Variants in MYBPC1 observed in about 807,000 individuals in gnomAD.
The protein encoded by MYBPC1 is myosin-binding protein C, slow-type.
Under a neutral mutation model 147.1 loss-of-function variants are expected in MYBPC1, and 52 were observed. That is an observed-to-expected ratio of 0.35 (90% CI 0.28 to 0.45). The LOEUF is 0.45. Among genes scored for constraint, MYBPC1 ranks in the 20% least tolerant of loss-of-function variants. The pLI is 1.00. For synonymous variants in MYBPC1, 477 were observed against 475.9 expected (o/e 1.00, Z -0.03); for missense variants, 1,228 against 1,440.3 (o/e 0.85, Z 2.39).
Position 101,644,706 on chromosome 12 carries a change from G to A in MYBPC1, c.875G>A (p.Gly292Glu). Residue 292 changes from glycine to glutamate, a missense_variant, in exon 12 of 32, where the codon GGA (glycine) becomes GAA (glutamate). Gly to Glu is a moderately conservative substitution (Grantham distance 98). This residue lies in a region of MYBPC1 where 1,077 missense variants were observed against 1,314.2 expected (regional missense o/e 0.82). Transcript: ENST00000361466. Reference sequence around the variant, plus strand: ...GATCCTGCATATCAGGTTGACAAAGGAGGCAGAGTGAGGTTTGTTGTGGAG... The same window carrying A: ...GATCCTGCATATCAGGTTGACAAAGAAGGCAGAGTGAGGTTTGTTGTGGAG... Reference protein sequence around the residue: ...ILDPAYQVDKGGRVRFVVELA... With the variant: ...ILDPAYQVDKEGRVRFVVELA... 1 of 1,613,986 alleles carries A rather than the reference G, an allele frequency of 6.2e-7. No homozygotes were observed. Among genetic ancestry groups the A allele is most frequent in the Non-Finnish European group, 8.5e-7 (1 of 1,179,894 alleles).
Position 101,644,834 on chromosome 12 carries a change from G to A in MYBPC1, c.965+38G>A, listed in dbSNP as rs376853572. The A allele has an allele frequency of 6.9e-6, 11 of 1,595,176 alleles. No individual in the cohort carries two copies. In the East Asian group the frequency reaches 2.2e-4, roughly 32 times the overall value. Reference sequence around the variant, plus strand: ...TGCAAAAATCAGTGATAGCTCTACAGTAAATTAATCAAATAGTAGTTCGAC... The same window carrying A: ...TGCAAAAATCAGTGATAGCTCTACAATAAATTAATCAAATAGTAGTTCGAC... On this transcript the variant is annotated intron_variant, in intron 12 of 31. Coordinates refer to ENST00000361466, the MANE Select transcript of MYBPC1 (RefSeq NM_002465.4).
At position 101,627,751 on chromosome 12, in the gene MYBPC1, A is replaced by G. The variant is rs1457817461; in HGVS notation, c.143-18A>G. Reference sequence around the variant, plus strand: ...CTTTCCACCCCTCTGCATCACCCAAATCACACTTTCCTTTCAGGTTTGGGT... The same window carrying G: ...CTTTCCACCCCTCTGCATCACCCAAGTCACACTTTCCTTTCAGGTTTGGGT... On this transcript the variant is annotated intron_variant, in intron 4 of 31. Coordinates refer to ENST00000361466, the MANE Select transcript of MYBPC1 (RefSeq NM_002465.4). The G allele has an allele frequency of 6.2e-7, 1 of 1,613,250 alleles. No individual in the cohort carries two copies. Among genetic ancestry groups the G allele is most frequent in the African/African-American group, 1.3e-5 (1 of 74,864 alleles).
intron 2 of MYBPC1, chr12:101,614,899 A>T (rs755026368): frequency 3.8e-4 from 125 of 329,478 alleles, no homozygotes; most frequent in Non-Finnish European, 6.3e-4. Context: ...ACAAACCCAC[A>T]TCTTCTTTAT....
At chr12:101,684,529 G>A in intron 31 of MYBPC1, 105 bp downstream of exon 31, 1 of 875,624 alleles carries the variant, frequency 1.1e-6, no homozygotes, top group Non-Finnish European at 1.8e-6. Flanking sequence ...AATGAAAATA[G>A]ACTTATTTTA....
intron 3 of MYBPC1, among the ~76,000 whole-genome samples, chr12:101,626,182 C>T (rs778500242): frequency 6.7e-6 from 1 of 150,272 alleles, no homozygotes; most frequent in Non-Finnish European, 1.5e-5. Flanking sequence ...ACTTGTTTAT[C>T]CAAAACAAAT....
chr12:101,620,836 T>C (rs985869815), intron 3 of MYBPC1, among the ~76,000 whole-genome samples: 1 of 152,228 alleles, frequency 6.6e-6, no homozygotes, highest in African/African-American at 2.4e-5. Flanking sequence ...ATTGGTAAAG[T>C]TACTTCCTTT....
chr12:101,621,892 G>A (rs886071265), intron 3 of MYBPC1, among the ~76,000 whole-genome samples: 1 of 152,096 alleles, frequency 6.6e-6, no homozygotes. Context: ...ATAAGACTGG[G>A]TTCTTTCCCT....
chr12:101,673,582 C>G lies in MYBPC1; in HGVS notation c.2769C>G (p.Asp923Glu). The G allele has an allele frequency of 6.2e-7, 1 of 1,614,112 alleles. No homozygotes were observed. Among genetic ancestry groups the G allele is most frequent in the East Asian group, 2.2e-5 (1 of 44,884 alleles). ...SGKYDLQVKV[D>E]KFVETASIDI... ...AATATGATCTGCAAGTCAAAGTGGA[C>G]AAATTCGTGGAGACCGCATCAATTG... is the stretch of plus-strand genomic sequence containing the variant. Residue 923 changes from aspartate to glutamate, a missense_variant, in exon 25 of 32, where the codon GAC becomes GAG. Coordinates refer to ENST00000361466, the MANE Select transcript of MYBPC1 (RefSeq NM_002465.4).
chr12:101,648,085 T>G lies in MYBPC1; in HGVS notation c.1131T>G (p.Thr377=), dbSNP rs779650842. ...TGACCAAACAGCTGGAAGATACAAC[T>G]GCTTATTGTGGGGAGAGAGTGGAAT... ...IMVTKQLEDT[T]AYCGERVELE... is the part of the protein sequence containing the mutation. Residue 377 remains threonine (T), a synonymous_variant, in exon 14 of 32, where the codon ACT becomes ACG. Coordinates refer to ENST00000361466, the MANE Select transcript of MYBPC1 (RefSeq NM_002465.4). 6.2e-7 allele frequency: 1 copy of G among 1,613,102 alleles called. No individual in the cohort carries two copies. The highest frequency in any genetic ancestry group is 1.7e-5 in the Admixed American group (1 of 59,990).
chr12:101,613,304 C>T (rs1358985696), intron 1 of MYBPC1, among the ~76,000 whole-genome samples: 2 of 152,176 alleles, frequency 1.3e-5, no homozygotes, highest in African/African-American at 2.4e-5. Flanking sequence ...ACTGTTCAGC[C>T]AAACTGCTTG....
chr12:101,665,553 T>C (rs1397675794), intron 22 of MYBPC1, among the ~76,000 whole-genome samples: 1 of 152,170 alleles, frequency 6.6e-6, no homozygotes, highest in Non-Finnish European at 1.5e-5. Flanking sequence ...GCACTCTAGT[T>C]TTTTCTTTCC....
chr12:101,610,697 C>A (rs1464771005), intron 1 of MYBPC1, among the ~76,000 whole-genome samples: 1 of 152,142 alleles, frequency 6.6e-6, no homozygotes. Context: ...CACCCCACTC[C>A]TACAAATAGG....
chr12:101,688,190 C>T (rs528740307), downstream of MYBPC1, among the ~76,000 whole-genome samples: 5 of 152,224 alleles, frequency 3.3e-5, no homozygotes, highest in East Asian at 1.9e-4. Context: ...GAGGCCGAGG[C>T]GGGCAGATCA....
chr12:101,684,895 C>T (rs1223112288), intron 31 of MYBPC1, among the ~76,000 whole-genome samples: 1 of 152,166 alleles, frequency 6.6e-6, no homozygotes, highest in East Asian at 1.9e-4. Flanking sequence ...TAAAGCACTT[C>T]ACTAAAGGAC....
At chr12:101,653,771 G>A (rs1895009536) in intron 18 of MYBPC1, among the ~76,000 whole-genome samples, 1 of 152,172 alleles carries the variant, frequency 6.6e-6, no homozygotes, top group South Asian at 2.1e-4. Flanking sequence ...GGAACAGAAG[G>A]AAAGCCAGCA....
At chr12:101,596,379 A>T (rs1338383159) in intron 1 of MYBPC1, among the ~76,000 whole-genome samples, 1 of 152,236 alleles carries the variant, frequency 6.6e-6, no homozygotes, top group East Asian at 1.9e-4. Flanking sequence ...ACCCCTGCTA[A>T]AGTATCTTAT....
chr12:101,633,202 T>A (rs1327695081), intron 8 of MYBPC1, among the ~76,000 whole-genome samples: 5 of 152,036 alleles, frequency 3.3e-5, no homozygotes, highest in Non-Finnish European at 7.4e-5. Flanking sequence ...ACCAGGAAGA[T>A]GAAGAATCCA....
intron 8 of MYBPC1, among the ~76,000 whole-genome samples, chr12:101,632,528 A>G (rs1890119999): frequency 6.6e-6 from 1 of 152,200 alleles, no homozygotes; most frequent in Admixed American, 6.5e-5. Flanking sequence ...TCTTATAACG[A>G]CTAATGTCAG....
At chr12:101,663,288 G>T (rs1896889062) in intron 21 of MYBPC1, 138 bp from the exon 22 acceptor site, 1 of 786,244 alleles carries the variant, frequency 1.3e-6, no homozygotes, top group Non-Finnish European at 2.2e-6. Flanking sequence ...CCATGCTCAA[G>T]GTGTCTTAAC....
Sources: gnomAD v4.1 joint callset for allele counts (sites outside exome capture counted in the v4.1 genomes callset) on GRCh38, gnomAD v4.1.1 for gene constraint, gnomAD v4.1.1 regional missense constraint, MANE v1.5 for transcripts, NCBI Gene and HGNC (gene_info 2026-07-23, HGNC 2026-07-21) for gene names.